The following LUZP2 variants were observed in gnomAD, a reference collection of about 807,000 sequenced individuals.
LUZP2 encodes leucine zipper protein 2.
A neutral mutation model predicts 51.6 loss-of-function variants in LUZP2; 52 were observed. The observed-to-expected ratio is 1.01, with a 90% CI of 0.81 to 1.27. The LOEUF is 1.27. Among genes scored for constraint, LUZP2 ranks in the 50% most tolerant of loss-of-function variants. The probability of loss-of-function intolerance (pLI) is 0.00; values close to 1 mark genes in which losing one functional copy is unlikely to be tolerated. For missense variants in LUZP2, 436 were observed against 395.4 expected, an observed-to-expected ratio of 1.10 and a Z score of -0.87; for synonymous variants, 154 against 137.3, an observed-to-expected ratio of 1.12 and a Z score of -0.85.
In LUZP2 at chr11:24,926,593, A is replaced by G. The variant is rs551047712; in HGVS notation, c.522+12055A>G. Among the ~76,000 whole-genome samples, 75 of 147,036 alleles carry G rather than the reference A, an allele frequency of 5.1e-4. 1 individual carries two copies. The highest frequency in any genetic ancestry group is 1.6e-3 in the African/African-American group (66 of 40,196). On this transcript the variant is annotated intron_variant, in intron 7 of 11. Coordinates refer to ENST00000336930, the MANE Select transcript of LUZP2 (RefSeq NM_001009909.4). Reference sequence around the variant, plus strand: ...TATATACGTGTATATATATGTGTGTATATATATGTGTGTATATATGTATAT... The same window carrying G: ...TATATACGTGTATATATATGTGTGTGTATATATGTGTGTATATATGTATAT...
chr11:24,972,289 A>G (rs1855763484), intron 7 of LUZP2, among the ~76,000 whole-genome samples: 1 of 152,000 alleles, frequency 6.6e-6, no homozygotes, highest in African/African-American at 2.4e-5. Flanking sequence ...AATTTATGAC[A>G]AGTAATATAA....
intron 5 of LUZP2, among the ~76,000 whole-genome samples, chr11:24,807,737 A>T (rs1849898045): frequency 6.6e-6 from 1 of 151,890 alleles, no homozygotes. Context: ...AAGAGAAAGA[A>T]CTCCTCTAGA....
At chr11:24,621,293 A>C (rs958516529) in intron 1 of LUZP2, among the ~76,000 whole-genome samples, 1 of 152,214 alleles carries the variant, frequency 6.6e-6, no homozygotes, top group Non-Finnish European at 1.5e-5. Flanking sequence ...AAAGACACTA[A>C]CCTGCTAAGG....
intron 1 of LUZP2, among the ~76,000 whole-genome samples, chr11:24,654,630 C>T (rs1041595657): frequency 6.7e-6 from 1 of 148,354 alleles, no homozygotes; most frequent in African/African-American, 2.5e-5. Flanking sequence ...AGCACTCCCA[C>T]CCCCACCCCA....
chr11:24,941,202 G>A (rs555727450), intron 7 of LUZP2, among the ~76,000 whole-genome samples: 3 of 152,172 alleles, frequency 2.0e-5, no homozygotes, highest in Non-Finnish European at 2.9e-5. Flanking sequence ...TTTATGCTTC[G>A]TAACTGTAAC....
intron 1 of LUZP2, among the ~76,000 whole-genome samples, chr11:24,589,394 C>G: frequency 6.6e-6 from 1 of 152,176 alleles, no homozygotes; most frequent in East Asian, 1.9e-4. Context: ...TTAATTTCCT[C>G]CTCACTGAAA....
At chr11:24,571,434 C>T (rs1039043382) in intron 1 of LUZP2, among the ~76,000 whole-genome samples, 1 of 151,968 alleles carries the variant, frequency 6.6e-6, no homozygotes, top group African/African-American at 2.4e-5. Flanking sequence ...TTTATATTTT[C>T]CCTGCCTAAA....
intron 1 of LUZP2, among the ~76,000 whole-genome samples, chr11:24,503,439 C>G (rs1297974746): frequency 6.6e-6 from 1 of 152,142 alleles, no homozygotes; most frequent in Admixed American, 6.5e-5. Flanking sequence ...AGTATGAAGA[C>G]AGAAGGTGAA....
intron 5 of LUZP2, among the ~76,000 whole-genome samples, chr11:24,780,990 T>C (rs1391029821): frequency 6.6e-6 from 1 of 152,172 alleles, no homozygotes; most frequent in African/African-American, 2.4e-5. Flanking sequence ...AAAAGTCATA[T>C]AGTCAATCAT....
chr11:24,841,402 G>A (rs945682131), intron 5 of LUZP2, among the ~76,000 whole-genome samples: 2 of 152,022 alleles, frequency 1.3e-5, no homozygotes, highest in African/African-American at 4.8e-5. Context: ...ACGCCACCTG[G>A]TCTATGGTAT....
intron 5 of LUZP2, among the ~76,000 whole-genome samples, chr11:24,901,688 C>T (rs1420061736): frequency 6.6e-6 from 1 of 152,116 alleles, no homozygotes; most frequent in African/African-American, 2.4e-5. Flanking sequence ...GATATCTAAA[C>T]CTGATCAAGT....
chr11:24,590,147 GA>G (rs1326303724), intron 1 of LUZP2, among the ~76,000 whole-genome samples: 1 of 152,062 alleles, frequency 6.6e-6, no homozygotes, highest in Non-Finnish European at 1.5e-5. Flanking sequence ...CATTACAGTA[GA>G]ATCATCTCCT....
At chr11:24,586,196 G>A (rs935886467) in intron 1 of LUZP2, among the ~76,000 whole-genome samples, 1 of 151,990 alleles carries the variant, frequency 6.6e-6, no homozygotes, top group African/African-American at 2.4e-5. Context: ...AAGCATGTAT[G>A]TTCAATCATA....
At chr11:25,001,475 G>A (rs1856679948) in intron 9 of LUZP2, among the ~76,000 whole-genome samples, 1 of 152,144 alleles carries the variant, frequency 6.6e-6, no homozygotes, top group African/African-American at 2.4e-5. Context: ...TCCCCTGTTA[G>A]GAAACCTGCT....
intron 5 of LUZP2, among the ~76,000 whole-genome samples, chr11:24,888,275 A>G (rs1344042859): frequency 1.3e-5 from 2 of 152,032 alleles, no homozygotes; most frequent in African/African-American, 2.4e-5. Flanking sequence ...CTTTCTCTTC[A>G]TTCTGTACAA....
chr11:24,702,785 T>C (rs537741798), intron 1 of LUZP2, among the ~76,000 whole-genome samples: 1 of 152,260 alleles, frequency 6.6e-6, no homozygotes, highest in Non-Finnish European at 1.5e-5. Flanking sequence ...TATGTGAGTG[T>C]TGTCATTTCA....
At chr11:24,776,867 A>G (rs1287179611) in intron 5 of LUZP2, among the ~76,000 whole-genome samples, 1 of 152,088 alleles carries the variant, frequency 6.6e-6, no homozygotes, top group Non-Finnish European at 1.5e-5. Context: ...TCATCATTTC[A>G]TTGTATGTAC....
chr11:25,049,683 G>A (rs1590876195), intron 9 of LUZP2, among the ~76,000 whole-genome samples: 1 of 151,772 alleles, frequency 6.6e-6, no homozygotes, highest in East Asian at 1.9e-4. Flanking sequence ...ATATACTGGG[G>A]GTTAAAATAA....
intron 1 of LUZP2, among the ~76,000 whole-genome samples, chr11:24,569,513 T>G (rs1479658795): frequency 6.6e-6 from 1 of 152,028 alleles, no homozygotes; most frequent in Non-Finnish European, 1.5e-5. Flanking sequence ...ACACCACATG[T>G]TGAATAGCAA....
Sources: allele counts gnomAD v4.1 joint callset (sites outside exome capture counted in the v4.1 genomes callset), GRCh38; gene constraint gnomAD v4.1.1; transcripts MANE v1.5; gene names NCBI Gene and HGNC (gene_info 2026-07-23, HGNC 2026-07-21).